The following HHIP variants were observed in gnomAD, a reference collection of about 807,000 sequenced individuals.
HHIP encodes the protein hedgehog interacting protein, also known as hedgehog-interacting protein.
HHIP carries 12 observed loss-of-function variants against 74.0 expected under a neutral mutation model. The observed-to-expected ratio is 0.16, with a 90% confidence interval of 0.10 to 0.26. HHIP has a LOEUF of 0.26. HHIP is among the 10% of genes least tolerant of loss of function. HHIP has a pLI of 1.00. For synonymous variants in HHIP, 309 were observed against 311.6 expected (o/e 0.99, Z 0.09); for missense variants, 788 against 845.0 (o/e 0.93, Z 0.84).
intron 6 of HHIP, 137 bp downstream of exon 6, chr4:144,707,397 T>C (rs187181303): frequency 3.0e-6 from 2 of 658,386 alleles, no homozygotes; most frequent in Admixed American, 6.3e-5. Flanking sequence ...GTCATCAGTG[T>C]CTGCATTTAT....
chr4:144,646,975 C>T (rs1422166223), intron 1 of HHIP, 21 bp downstream of exon 1: 6 of 1,572,466 alleles, frequency 3.8e-6, no homozygotes, highest in Non-Finnish European at 5.2e-6. Context: ...ACCGGCTTCA[C>T]GGATGCGTAC....
intron 4 of HHIP, among the ~76,000 whole-genome samples, chr4:144,704,885 G>T (rs2126651063): frequency 6.6e-6 from 1 of 152,258 alleles, no homozygotes; most frequent in African/African-American, 2.4e-5. Flanking sequence ...AAAGCCAAAA[G>T]ATTTTTATTT....
chr4:144,715,903 G>A (rs1359790774), intron 10 of HHIP, among the ~76,000 whole-genome samples: 1 of 152,090 alleles, frequency 6.6e-6, no homozygotes, highest in East Asian at 1.9e-4. Flanking sequence ...CGAAATTTGA[G>A]CAAGATGATC....
At chr4:144,693,446 A>C (rs1729730584) in intron 4 of HHIP, among the ~76,000 whole-genome samples, 1 of 152,136 alleles carries the variant, frequency 6.6e-6, no homozygotes, top group South Asian at 2.1e-4. Flanking sequence ...TATAAGGAAC[A>C]GAGCTTTTAT....
intron 7 of HHIP, among the ~76,000 whole-genome samples, chr4:144,711,561 C>T (rs1215630339): frequency 6.6e-6 from 1 of 152,036 alleles, no homozygotes; most frequent in Admixed American, 6.6e-5. Context: ...CATTGTTCAA[C>T]TCCCACTTAT....
At chr4:144,662,066 T>C (rs185185431) in intron 4 of HHIP, among the ~76,000 whole-genome samples, 140 of 152,362 alleles carry the variant, frequency 9.2e-4, no homozygotes, top group African/African-American at 3.2e-3. Context: ...AAGAGGAATA[T>C]GTTAAGTCAG....
At chr4:144,690,000 G>T (rs1317732954) in intron 4 of HHIP, among the ~76,000 whole-genome samples, 1 of 152,086 alleles carries the variant, frequency 6.6e-6, no homozygotes, top group Non-Finnish European at 1.5e-5. Context: ...TAGAGACAGG[G>T]TTTCACTATG....
intron 4 of HHIP, chr4:144,660,136 A>G (rs1361097323): frequency 6.0e-6 from 3 of 495,940 alleles, no homozygotes; most frequent in South Asian, 3.8e-5. Flanking sequence ...ATATTGTTTA[A>G]TGGGCATAAC....
chr4:144,725,852 T>C (rs1730788298), intron 11 of HHIP, among the ~76,000 whole-genome samples: 1 of 152,118 alleles, frequency 6.6e-6, no homozygotes, highest in Non-Finnish European at 1.5e-5. Context: ...GTATTTTTTG[T>C]AGAGACGGGG....
At chr4:144,686,393 T>C (rs1295339513) in intron 4 of HHIP, among the ~76,000 whole-genome samples, 1 of 152,086 alleles carries the variant, frequency 6.6e-6, no homozygotes, top group Non-Finnish European at 1.5e-5. Flanking sequence ...CTAAAAGTTG[T>C]TCAAGAAAAA....
chr4:144,716,328 C>A (rs1024446393), intron 10 of HHIP, among the ~76,000 whole-genome samples: 9 of 152,180 alleles, frequency 5.9e-5, no homozygotes, highest in Non-Finnish European at 1.2e-4. Flanking sequence ...ATAAGGGACT[C>A]AGACAAGACT....
At chr4:144,662,291 A>G (rs944296734) in intron 4 of HHIP, among the ~76,000 whole-genome samples, 5 of 152,192 alleles carry the variant, frequency 3.3e-5, no homozygotes, top group African/African-American at 1.2e-4. Flanking sequence ...GAGGGATGCC[A>G]TCAGCCAAGA....
At chr4:144,703,143 G>A (rs1303194680) in intron 4 of HHIP, among the ~76,000 whole-genome samples, 1 of 151,592 alleles carries the variant, frequency 6.6e-6, no homozygotes, top group African/African-American at 2.4e-5. Flanking sequence ...GAACCCAGGA[G>A]ACGGAGATTG....
chr4:144,688,894 T>C lies in HHIP; in HGVS notation c.832-17637T>C, dbSNP rs192118246. Among the ~76,000 whole-genome samples the C allele has an allele frequency of 1.9e-3, 287 of 152,228 alleles. 1 individual carries two copies. Among genetic ancestry groups the C allele is most frequent in the African/African-American group, 6.4e-3 (264 of 41,524 alleles). On this transcript the variant is annotated intron_variant, in intron 4 of 12. Coordinates refer to ENST00000296575, the MANE Select transcript of HHIP (RefSeq NM_022475.3). Reference sequence around the variant, plus strand: ...GGGAGCACCAAAAATGTCATTGGAGTGCTTATTTCTTCAAGCTTGGTGTGT... The same window carrying C: ...GGGAGCACCAAAAATGTCATTGGAGCGCTTATTTCTTCAAGCTTGGTGTGT...
intron 7 of HHIP, among the ~76,000 whole-genome samples, chr4:144,711,048 C>T (rs1730282477): frequency 6.6e-6 from 1 of 151,952 alleles, no homozygotes; most frequent in African/African-American, 2.4e-5. Flanking sequence ...GTTGCAAGTC[C>T]TCCCCTTATG....
intron 2 of HHIP, chr4:144,654,865 G>T (rs1728518826): frequency 6.6e-6 from 1 of 152,088 alleles, no homozygotes; most frequent in African/African-American, 2.4e-5. Context: ...AACATATTTT[G>T]ACTATCCTCA....
At chr4:144,673,915 C>A (rs760102862) in intron 4 of HHIP, among the ~76,000 whole-genome samples, 6 of 152,116 alleles carry the variant, frequency 3.9e-5, no homozygotes, top group Non-Finnish European at 8.8e-5. Flanking sequence ...CCCTTTCGTA[C>A]CTGCATCTGA....
In HHIP at chr4:144,743,322, G is replaced by T. The variant is rs929421385; in HGVS notation, c.*5365G>T. On this transcript the variant is annotated 3_prime_UTR_variant, in exon 13 of 13. Coordinates refer to ENST00000296575, the MANE Select transcript of HHIP (RefSeq NM_022475.3). ...ATTCCTCATTAAATATGAACCTAAG[G>T]CATACCCATCATTTACCTTGATTCC... is the stretch of plus-strand genomic sequence containing the variant. 4 of 151,376 alleles carry T rather than the reference G, an allele frequency of 2.6e-5. No individual in the cohort carries two copies. The highest frequency in any genetic ancestry group is 9.7e-5 in the African/African-American group (4 of 41,242). The allele number at this position is 151,376 out of a possible 1,614,324, so 9.4% of individuals were successfully genotyped here.
chr4:144,661,724 T>G (rs904281635), intron 4 of HHIP, among the ~76,000 whole-genome samples: 1 of 152,208 alleles, frequency 6.6e-6, no homozygotes, highest in African/African-American at 2.4e-5. Flanking sequence ...AGACTTGTAA[T>G]GTAAAAGCAT....
Sources: allele counts gnomAD v4.1 joint callset (sites outside exome capture counted in the v4.1 genomes callset), GRCh38; gene constraint gnomAD v4.1.1; transcripts MANE v1.5; gene names NCBI Gene and HGNC (gene_info 2026-07-23, HGNC 2026-07-21).